Variants in MFN2 observed in about 807,000 individuals in gnomAD.
MFN2 encodes the protein mitofusin-2.
In MFN2, 43 loss-of-function variants were observed where a neutral mutation model predicts 87.5. That is an observed-to-expected ratio of 0.49 (90% CI 0.38 to 0.63). The LOEUF is 0.63. Ranked by LOEUF, MFN2 falls within the 30% of genes least tolerant of loss-of-function variation. The pLI, the probability that MFN2 is intolerant of heterozygous loss-of-function variation, is 0.00. For synonymous variants in MFN2, 337 were observed against 359.9 expected (o/e 0.94, Z 0.72); for missense variants, 743 against 972.8 (o/e 0.76, Z 3.14).
chr1:11,980,568 G>T, intron 1 of MFN2, 84 bp downstream of exon 1: 1 of 397,482 alleles, frequency 2.5e-6, no homozygotes, highest in South Asian at 1.3e-4. Flanking sequence ...GGGCCGACGG[G>T]ATTCTGGGGC....
Position 12,004,886 on chromosome 1 carries a change from C to T in MFN2, c.1454C>T (p.Ala485Val), listed in dbSNP as rs1418195322. The part of the protein sequence containing the change: ...GRNMSDRCST[A>V]ITNSLQTMQQ... ...AACATGTCTGACCGCTGCTCCACGG[C>T]CATCACCAACTCCCTGCAGACCATG... The change falls in exon 14 of 19, where the codon GCC becomes GTC. Residue 485 changes from alanine (A) to valine (V), a missense_variant. Ala to Val is a moderately conservative substitution (Grantham distance 64, BLOSUM62 0). Coordinates refer to ENST00000235329, the MANE Select transcript of MFN2 (RefSeq NM_014874.4). This position sits in a 1 kb window ranked among gnomAD's most constrained non-coding sequence, Gnocchi z 4.2. 2 of 1,613,374 alleles carry T rather than the reference C, an allele frequency of 1.2e-6. No homozygotes were observed. The highest frequency in any genetic ancestry group is 3.3e-5 in the Admixed American group (2 of 59,950).
At chr1:11,988,086 G>C (rs544770467) in intron 2 of MFN2, among the ~76,000 whole-genome samples, 1 of 150,768 alleles carries the variant, frequency 6.6e-6, no homozygotes, top group Non-Finnish European at 1.5e-5. Flanking sequence ...AATAGTTTTT[G>C]TGTGTGTGTG....
intron 4 of MFN2, among the ~76,000 whole-genome samples, chr1:11,994,170 C>G (rs1369293599): frequency 6.6e-6 from 1 of 152,220 alleles, no homozygotes; most frequent in African/African-American, 2.4e-5. Context: ...AACCAATGAT[C>G]CTTTTTATTC....
intron 2 of MFN2, among the ~76,000 whole-genome samples, chr1:11,986,198 C>T (rs1335960556): frequency 3.3e-5 from 5 of 152,214 alleles, no homozygotes; most frequent in Non-Finnish European, 7.3e-5. Context: ...GGCATTTGGT[C>T]TTCATGTACC....
intron 18 of MFN2, 143 bp downstream of exon 18, chr1:12,009,869 A>G: frequency 1.6e-6 from 2 of 1,255,920 alleles, no homozygotes; most frequent in Admixed American, 2.0e-5. Flanking sequence ...GATGTGTACC[A>G]TGGGCTGGGC....
intron 2 of MFN2, among the ~76,000 whole-genome samples, chr1:11,983,409 C>T (rs534858072): frequency 6.6e-6 from 1 of 152,284 alleles, no homozygotes; most frequent in South Asian, 2.1e-4. Flanking sequence ...TACTATTGAA[C>T]CTTCTTTACA....
chr1:12,013,283 A>G lies in MFN2; in HGVS notation c.*1718A>G, dbSNP rs1428846369. On this transcript the variant is annotated 3_prime_UTR_variant, in exon 19 of 19. Coordinates refer to ENST00000235329, the MANE Select transcript of MFN2 (RefSeq NM_014874.4). ...GAAATTTTGAGCTTCTTCAATACGTAAAATTAAATTTATACCACTGAGGGA... is the reference window on the plus strand; with the variant it reads ...GAAATTTTGAGCTTCTTCAATACGTGAAATTAAATTTATACCACTGAGGGA... 2.3e-6 allele frequency: 1 copy of G among 439,524 alleles called. No homozygotes were observed. Among genetic ancestry groups the G allele is most frequent in the Non-Finnish European group, 4.7e-6 (1 of 211,714 alleles). 27.2% of individuals were successfully genotyped at this position (439,524 alleles called of 1,614,324 possible).
At chr1:11,987,306 T>C (rs1441834785) in intron 2 of MFN2, among the ~76,000 whole-genome samples, 1 of 102,726 alleles carries the variant, frequency 9.7e-6, no homozygotes, top group Non-Finnish European at 2.0e-5. Context: ...AGTGAGACTC[T>C]GTCTCAAAAA....
chr1:12,006,071 A>C, intron 15 of MFN2, 140 bp downstream of exon 15: 1 of 746,266 alleles, frequency 1.3e-6, no homozygotes, highest in Non-Finnish European at 2.3e-6. Context: ...TACACCACAG[A>C]CAGAATTTTT....
At chr1:11,988,409 T>TG (rs1166908524) in intron 2 of MFN2, among the ~76,000 whole-genome samples, 2 of 150,762 alleles carry the variant, frequency 1.3e-5, no homozygotes, top group Non-Finnish European at 3.0e-5. Flanking sequence ...GGCTGTTTTT[T>TG]TTTTTTTTTT....
intron 3 of MFN2, among the ~76,000 whole-genome samples, chr1:11,989,824 A>G (rs1453589157): frequency 7.9e-5 from 12 of 151,764 alleles, no homozygotes; most frequent in Admixed American, 4.6e-4. Flanking sequence ...ACTATAGGAA[A>G]CTCACGTCAC....
At chr1:11,992,849 G>T (rs781590452) in intron 4 of MFN2, among the ~76,000 whole-genome samples, 159 bp downstream of exon 4, 9 of 151,650 alleles carry the variant, frequency 5.9e-5, no homozygotes, top group Non-Finnish European at 1.0e-4. Flanking sequence ...TTTGAGACAG[G>T]GTTCTCTGTC....
chr1:12,008,516 A>G (rs1194932237), intron 17 of MFN2, among the ~76,000 whole-genome samples: 4 of 148,342 alleles, frequency 2.7e-5, no homozygotes, highest in Non-Finnish European at 4.4e-5. Flanking sequence ...GGAGACGCTT[A>G]CTTCCCAGAC....
At chr1:11,980,572 C>T (rs1645964182) in intron 1 of MFN2, 88 bp downstream of exon 1, 4 of 397,278 alleles carry the variant, frequency 1.0e-5, no homozygotes, top group Non-Finnish European at 1.8e-5. Flanking sequence ...CGACGGGATT[C>T]TGGGGCCACG....
chr1:12,005,250 T>G (rs1472627033), intron 14 of MFN2, among the ~76,000 whole-genome samples: 3 of 152,126 alleles, frequency 2.0e-5, no homozygotes, highest in Non-Finnish European at 2.9e-5. Flanking sequence ...CTGGCTAATT[T>G]TTTTGTATTT....
chr1:11,980,505 G>T, intron 1 of MFN2, 21 bp downstream of exon 1: 1 of 398,312 alleles, frequency 2.5e-6, no homozygotes, highest in Non-Finnish European at 4.4e-6. Flanking sequence ...GAGCAAGCCG[G>T]GGTGGCGGGG....
At chr1:11,980,528 C>G (rs899328967) in intron 1 of MFN2, 44 bp downstream of exon 1, 3 of 398,018 alleles carry the variant, frequency 7.5e-6, no homozygotes, top group Non-Finnish European at 1.3e-5. Context: ...TGGCCCGGCC[C>G]GGCCCGGCGA....
chr1:12,004,217 GAAGA>G lies in MFN2; in HGVS notation c.1287+103_1287+106del. Reference sequence around the variant, plus strand: ...CTCTTAGGGACTTCTCAGCCTTTCAGAAGAAAGTTGTGGCCCTGTTTCAAGAATA... The same window carrying G: ...CTCTTAGGGACTTCTCAGCCTTTCAGAAGTTGTGGCCCTGTTTCAAGAATA... On this transcript the variant is annotated intron_variant, in intron 12 of 18. Transcript: ENST00000235329. The surrounding 1 kb of genome is among the most constrained non-coding windows in gnomAD (Gnocchi z 4.2). 1 of 1,514,658 alleles carries G rather than the reference GAAGA, an allele frequency of 6.6e-7. No homozygotes were observed. Among genetic ancestry groups the G allele is most frequent in the Non-Finnish European group, 9.1e-7 (1 of 1,104,930 alleles). The allele number at this position is 1,514,658 out of a possible 1,614,324, so 93.8% of individuals were successfully genotyped here.
intron 3 of MFN2, 61 bp from the exon 4 acceptor site, chr1:11,992,494 G>T: frequency 6.2e-7 from 1 of 1,611,078 alleles, no homozygotes; most frequent in Middle Eastern, 1.7e-4. Context: ...GGCCCTTCCA[G>T]ACTTGGGACT....
Sources: allele counts gnomAD v4.1 joint callset (sites outside exome capture counted in the v4.1 genomes callset), GRCh38; gene constraint gnomAD v4.1.1; non-coding constraint Gnocchi (gnomAD v3.1); transcripts MANE v1.5; gene names NCBI Gene and HGNC (gene_info 2026-07-23, HGNC 2026-07-21).